Variants in TRIM36 observed in about 807,000 individuals in gnomAD.
TRIM36 encodes the protein tripartite motif containing 36, also known as E3 ubiquitin-protein ligase TRIM36.
In TRIM36, 42 loss-of-function variants were observed where a neutral mutation model predicts 72.4. The observed-to-expected ratio is 0.58, with a 90% CI of 0.45 to 0.75. The LOEUF (loss-of-function observed/expected upper bound fraction) is 0.75, where lower values mean the gene tolerates loss of function less well. Ranked by LOEUF, TRIM36 falls within the 30% of genes least tolerant of loss-of-function variation. The pLI is 0.00. For missense variants in TRIM36, 913 were observed against 857.1 expected (o/e 1.07, Z -0.81); for synonymous variants, 315 against 282.8 (o/e 1.11, Z -1.14).
At chr5:115,148,241 A>T (rs1580671947) in intron 2 of TRIM36, 1 of 713,702 alleles carries the variant, frequency 1.4e-6, no homozygotes, top group East Asian at 1.4e-4. Flanking sequence ...ATTTTACAAC[A>T]TATATAAAAC....
upstream of TRIM36, among the ~76,000 whole-genome samples, chr5:115,170,736 C>A (rs574654365): frequency 6.6e-6 from 1 of 152,242 alleles, no homozygotes; most frequent in African/African-American, 2.4e-5. Flanking sequence ...TGGCCAGGGA[C>A]TGAAGTTAAA....
upstream of TRIM36, among the ~76,000 whole-genome samples, chr5:115,172,758 C>T (rs556116888): frequency 4.0e-5 from 6 of 150,924 alleles, no homozygotes; most frequent in African/African-American, 1.5e-4. Context: ...AAGTACAAAA[C>T]CATAAGGATT....
At chr5:115,171,997 T>C (rs545221650), upstream of TRIM36, among the ~76,000 whole-genome samples, 128 of 152,240 alleles carry the variant, frequency 8.4e-4, no homozygotes, top group Non-Finnish European at 1.1e-3. Flanking sequence ...ATTTGAGGAC[T>C]TTCTAAGCCT....
In TRIM36 at chr5:115,137,389, C is replaced by A; in HGVS notation, c.1059G>T (p.Val353=). 6.2e-7 allele frequency: 1 copy of A among 1,612,160 alleles called. No homozygotes were observed. Among genetic ancestry groups the A allele is most frequent in the Non-Finnish European group, 8.5e-7 (1 of 1,179,490 alleles). Residue 353 remains valine (V), a synonymous_variant, in exon 6 of 10, where the codon GTG becomes GTT. Transcript: ENST00000513154. ...TGAGGTGGAGCTGCTTTGCTGTCTG[C>A]ACAAAGCAAGACTGATCTGTCTCCT... ...VLKETDQSCF[V]QTAKQLHLRI... is the part of the protein sequence containing the mutation.
chr5:115,170,628 G>T (rs975761385), upstream of TRIM36, among the ~76,000 whole-genome samples: 1 of 152,238 alleles, frequency 6.6e-6, no homozygotes, highest in African/African-American at 2.4e-5. Context: ...GTCATATCCC[G>T]CTTTCTGCTT....
intron 7 of TRIM36, among the ~76,000 whole-genome samples, chr5:115,135,044 T>C (rs1752891176): frequency 6.7e-6 from 1 of 149,882 alleles, no homozygotes; most frequent in South Asian, 2.1e-4. Flanking sequence ...CCCTCAATGG[T>C]ATACTACCTA....
chr5:115,159,537 T>C (rs1754363281), intron 2 of TRIM36: 2 of 390,422 alleles, frequency 5.1e-6, no homozygotes, highest in African/African-American at 2.1e-5. Flanking sequence ...CTACACAATT[T>C]TGAAGACTTG....
exon 1 of TRIM36, chr5:115,180,066 A>T: frequency 6.2e-7 from 1 of 1,605,450 alleles, no homozygotes; most frequent in Non-Finnish European, 8.5e-7. Context: ...ACTCTGGAGG[A>T]CCGACGCGGG....
rs966112916 is a variant in TRIM36, at chr5:115,124,858, G to C, written c.*1645C>G. On this transcript the variant is annotated 3_prime_UTR_variant, in exon 10 of 10. Transcript: ENST00000513154. ...AAACAGCTATCCTATTCCTGTTAAA[G>C]CTTCACATTTAAAAATGTCTACATC... 1.3e-5 allele frequency: 2 copies of C among 152,484 alleles called. No homozygotes were observed. The highest frequency in any genetic ancestry group is 2.9e-5 in the Non-Finnish European group (2 of 67,950). The allele number at this position is 152,484 out of a possible 1,614,324, so 9.4% of individuals were successfully genotyped here. A position where few individuals can be genotyped will look rare whatever the true frequency, so the allele number is the denominator to read the frequency against.
intron 3 of TRIM36, among the ~76,000 whole-genome samples, chr5:115,145,576 G>C (rs990628438): frequency 3.3e-5 from 5 of 152,020 alleles, no homozygotes; most frequent in African/African-American, 9.7e-5. Flanking sequence ...GCCCAGGCTA[G>C]AGTGCAGTGG....
At chr5:115,157,730 T>G (rs1490357206) in intron 2 of TRIM36, among the ~76,000 whole-genome samples, 1 of 152,016 alleles carries the variant, frequency 6.6e-6, no homozygotes, top group Non-Finnish European at 1.5e-5. Flanking sequence ...CCCAAATGCC[T>G]ATGAATTGAG....
At chr5:115,171,651 G>A (rs778604458), upstream of TRIM36, among the ~76,000 whole-genome samples, 23 of 152,094 alleles carry the variant, frequency 1.5e-4, no homozygotes, top group South Asian at 2.1e-4. Context: ...CCATTAACAG[G>A]AATTAAAGAT....
intron 2 of TRIM36, among the ~76,000 whole-genome samples, chr5:115,156,300 TA>T (rs553285976): frequency 0.018 from 2,675 of 145,790 alleles, 47 homozygotes; most frequent in African/African-American, 0.05. Context: ...CATCACAAAT[TA>T]AAAAAAAAAA....
At chr5:115,163,458 T>A (rs1206503128) in intron 2 of TRIM36, 60 bp downstream of exon 2, 21 of 1,409,942 alleles carry the variant, frequency 1.5e-5, no homozygotes, top group Non-Finnish European at 1.9e-5. Flanking sequence ...CAGTTACCAC[T>A]GAATATATAT....
chr5:115,134,058 C>G lies in TRIM36; in HGVS notation c.1300G>C (p.Asp434His), dbSNP rs747473260. ...TTCCGATATTCAAGAACATAGCTAT[C>G]AGCTTTATCCTTTTCTGGATGGTGC... ...NWHHPEKDKA[D>H]SYVLEYRKIN... The change falls in exon 8 of 10, where the codon GAT (aspartate) becomes CAT (histidine). Residue 434 changes from aspartate (D) to histidine (H), a missense_variant. Transcript: ENST00000513154. The G allele has an allele frequency of 2.5e-6, 4 of 1,613,618 alleles. No homozygotes were observed. The South Asian group carries it at 4.4e-5, about 18-fold the overall frequency.
At position 115,137,456 on chromosome 5, in the gene TRIM36, A is replaced by T; in HGVS notation, c.992T>A (p.Leu331Gln). The part of the protein sequence containing the change: ...QTQMEEYQGL[L>Q]ENNGLVGYAQ... Reference sequence around the variant, plus strand: ...ATATCCCACAAGTCCATTGTTCTCTAGAAGTCCCTGGTACTCTTCCATTTG... The same window carrying T: ...ATATCCCACAAGTCCATTGTTCTCTTGAAGTCCCTGGTACTCTTCCATTTG... The change falls in exon 6 of 10, where the codon CTA becomes CAA. Residue 331 changes from leucine (L) to glutamine (Q), a missense_variant. By Grantham distance (113) the Leu-to-Gln change is moderately radical. Coordinates refer to ENST00000513154, the MANE Select transcript of TRIM36 (RefSeq NM_001300759.2). 6.2e-7 allele frequency: 1 copy of T among 1,614,196 alleles called. No homozygotes were observed. The highest frequency in any genetic ancestry group is 8.5e-7 in the Non-Finnish European group (1 of 1,180,036).
intron 4 of TRIM36, among the ~76,000 whole-genome samples, chr5:115,142,127 C>T (rs1196349084): frequency 6.6e-6 from 1 of 152,116 alleles, no homozygotes; most frequent in African/African-American, 2.4e-5. Context: ...AGAATAAGAA[C>T]ATCCAGAAAA....
intron 4 of TRIM36, among the ~76,000 whole-genome samples, chr5:115,142,049 A>G (rs539051696): frequency 6.6e-6 from 1 of 152,254 alleles, no homozygotes; most frequent in South Asian, 2.1e-4. Context: ...CAAAAACCAA[A>G]ACACAAAAGC....
upstream of TRIM36, among the ~76,000 whole-genome samples, chr5:115,171,720 A>T (rs565643429): frequency 6.6e-6 from 1 of 152,360 alleles, no homozygotes; most frequent in East Asian, 1.9e-4. Context: ...CCATTTTGCA[A>T]ATCAGACTTC....
Sources: allele counts gnomAD v4.1 joint callset (sites outside exome capture counted in the v4.1 genomes callset), GRCh38; gene constraint gnomAD v4.1.1; transcripts MANE v1.5; gene names NCBI Gene and HGNC (gene_info 2026-07-23, HGNC 2026-07-21).